HLCS: variants seen among roughly 807,000 people sequenced by gnomAD.
HLCS encodes holocarboxylase synthetase.
Under a neutral mutation model 75.0 loss-of-function variants are expected in HLCS, and 53 were observed. That is an observed-to-expected ratio of 0.71 (90% CI 0.57 to 0.89). HLCS has a LOEUF of 0.89. Ranked by LOEUF, HLCS falls within the 40% of genes least tolerant of loss-of-function variation. The pLI, the probability that HLCS is intolerant of heterozygous loss-of-function variation, is 0.00. For missense variants in HLCS, 966 were observed against 1,074.0 expected, an observed-to-expected ratio of 0.90 and a Z score of 1.41; for synonymous variants, 431 against 428.6, an observed-to-expected ratio of 1.01 and a Z score of -0.07.
At chr21:36,969,904 T>C (rs2068740359), upstream of HLCS, among the ~76,000 whole-genome samples, 1 of 152,026 alleles carries the variant, frequency 6.6e-6, no homozygotes, top group Non-Finnish European at 1.5e-5. Flanking sequence ...GACTTTGTCA[T>C]TTATAAGAAC....
chr21:36,805,658 G>A (rs886553290), intron 6 of HLCS, among the ~76,000 whole-genome samples: 5 of 152,124 alleles, frequency 3.3e-5, no homozygotes, highest in African/African-American at 9.7e-5. Context: ...TAAGAATGCC[G>A]CTGACTGCCA....
At position 36,757,036 on chromosome 21, in the gene HLCS, T is replaced by C. The variant is rs12482621; in HGVS notation, c.2237-281A>G. On this transcript the variant is annotated intron_variant, in intron 9 of 10. Transcript: ENST00000674895. Reference sequence around the variant, plus strand: ...CCACATTTGATTCAATTTAATTCAATAGAAGCTATTAAATATGGGACAAAA... The same window carrying C: ...CCACATTTGATTCAATTTAATTCAACAGAAGCTATTAAATATGGGACAAAA... The C allele has an allele frequency of 6.5e-4, 512 of 784,830 alleles. 1 individual carries two copies. Among genetic ancestry groups the C allele is most frequent in the Admixed American group, 2.2e-3 (35 of 16,078 alleles). 48.6% of individuals were successfully genotyped at this position (784,830 alleles called of 1,614,324 possible). A position where few individuals can be genotyped will look rare whatever the true frequency, so the allele number is the denominator to read the frequency against.
At chr21:36,771,387 G>A (rs1262550213) in intron 6 of HLCS, among the ~76,000 whole-genome samples, 5 of 152,158 alleles carry the variant, frequency 3.3e-5, no homozygotes, top group Non-Finnish European at 5.9e-5. Context: ...CCCAGTGATA[G>A]CCTTAAACAT....
chr21:36,845,640 C>T (rs2062771917), intron 6 of HLCS, among the ~76,000 whole-genome samples: 1 of 152,102 alleles, frequency 6.6e-6, no homozygotes, highest in African/African-American at 2.4e-5. Context: ...AAATTGGCCC[C>T]CAGTGGTGGA....
chr21:36,776,124 C>T (rs1470712317), intron 6 of HLCS, among the ~76,000 whole-genome samples: 1 of 152,134 alleles, frequency 6.6e-6, no homozygotes, highest in Non-Finnish European at 1.5e-5. Context: ...TCTTTTTAAC[C>T]TTTTACTTCG....
In HLCS at chr21:36,767,281, T is replaced by C. The variant is rs2090072892; in HGVS notation, c.1897A>G (p.Met633Val). ...PTTMRLLDGL[M>V]FQTPQEMGLI... The stretch of plus-strand genomic sequence containing the variant: ...CCCATTTCCTGCGGTGTCTGAAACA[T>C]CAGCCTGCCGAAGAGGGGGAAAGAC... Residue 633 changes from methionine to valine, a missense_variant, in exon 7 of 11, where the codon ATG becomes GTG. Transcript: ENST00000674895. 10 of 1,614,120 alleles carry C rather than the reference T, an allele frequency of 6.2e-6. No individual in the cohort carries two copies. The highest frequency in any genetic ancestry group is 1.3e-5 in the African/African-American group (1 of 75,022).
chr21:36,944,020 T>G (rs960284433), intron 2 of HLCS: 2 of 152,170 alleles, frequency 1.3e-5, no homozygotes, highest in Non-Finnish European at 2.9e-5. Context: ...TTTTGGCTGC[T>G]GCCAAGATCT....
At chr21:36,954,288 C>T (rs568484136) in intron 2 of HLCS, among the ~76,000 whole-genome samples, 1 of 149,584 alleles carries the variant, frequency 6.7e-6, no homozygotes, top group Non-Finnish European at 1.5e-5. Flanking sequence ...GGCGACAGAG[C>T]GAGATTCCAT....
rs578054882 is a variant in HLCS at position 36,828,844 on chromosome 21, T to C, written c.1893-61559A>G. Among the ~76,000 whole-genome samples, 283 of 152,340 alleles carry C rather than the reference T, an allele frequency of 1.9e-3. 1 individual carries two copies. The highest frequency in any genetic ancestry group is 2.3e-3 in the Non-Finnish European group (155 of 68,026). On this transcript the variant is annotated intron_variant, in intron 6 of 10. Coordinates refer to ENST00000674895, the MANE Select transcript of HLCS (RefSeq NM_001352514.2). ...GCAATAAAAATATTGCTGCAAAACCTAGTTTCTAGAAAATAATAAATAAAA... is the reference window on the plus strand; with the variant it reads ...GCAATAAAAATATTGCTGCAAAACCCAGTTTCTAGAAAATAATAAATAAAA...
At chr21:36,959,942 C>A (rs2068190435) in intron 2 of HLCS, among the ~76,000 whole-genome samples, 1 of 152,176 alleles carries the variant, frequency 6.6e-6, no homozygotes, top group Non-Finnish European at 1.5e-5. Flanking sequence ...AGAACTGTGG[C>A]CCTTTAAGAA....
chr21:36,956,685 G>A (rs1275762419), intron 2 of HLCS, among the ~76,000 whole-genome samples: 6 of 152,070 alleles, frequency 3.9e-5, no homozygotes, highest in African/African-American at 1.2e-4. Context: ...AGCCGAGATC[G>A]TGCCACTGCA....
Position 36,978,714 on chromosome 21 carries a change from C to T in HLCS, c.-393+11444G>A, listed in dbSNP as rs574302691. Among the ~76,000 whole-genome samples, 108 of 152,070 alleles carry T rather than the reference C, an allele frequency of 7.1e-4. 2 individuals carry two copies. Among genetic ancestry groups the T allele is most frequent in the African/African-American group, 2.5e-3 (104 of 41,480 alleles). ...TGGCAGGACTGAAGGGTCGGGAGAC[C>T]CTTAAAGAGACCCTGTAGCAGACGC... is the stretch of plus-strand genomic sequence containing the variant. On this transcript the variant is annotated intron_variant, in intron 1 of 11. Transcript: ENST00000336648.
upstream of HLCS, among the ~76,000 whole-genome samples, chr21:36,971,437 T>A (rs2068785936): frequency 6.6e-6 from 1 of 151,846 alleles, no homozygotes; most frequent in Non-Finnish European, 1.5e-5. Context: ...CAAAGAAAAA[T>A]AGGTCCAGGC....
At chr21:36,917,178 A>G (rs1367044625) in intron 5 of HLCS, among the ~76,000 whole-genome samples, 1 of 152,190 alleles carries the variant, frequency 6.6e-6, no homozygotes, top group Non-Finnish European at 1.5e-5. Flanking sequence ...CAGCTCCTAC[A>G]TGATCTGTAG....
chr21:36,751,678 C>T lies in HLCS; in HGVS notation c.*2568G>A, dbSNP rs1443468025. 3.3e-5 allele frequency: 5 copies of T among 152,384 alleles called. No individual in the cohort carries two copies. In the East Asian group the frequency reaches 9.6e-4, roughly 29 times the overall value. 9.4% of individuals were successfully genotyped at this position (152,384 alleles called of 1,614,324 possible). ...ACTTCCACCACTCCCTAGCAGAGTT[C>T]CCAGTGCCAGAGAGCACTGCTGGGG... is the stretch of plus-strand genomic sequence containing the variant. On this transcript the variant is annotated 3_prime_UTR_variant, in exon 11 of 11. Coordinates refer to ENST00000674895, the MANE Select transcript of HLCS (RefSeq NM_001352514.2).
rs142170740 is a variant in HLCS, at chr21:36,848,735, A to T, written c.1892+48125T>A. ...TCTTTTATCATTTTCCCTTGGATTT[A>T]TAAGCTTAGAAAGGCCTTTCCTATC... On this transcript the variant is annotated intron_variant, in intron 6 of 10. Coordinates refer to ENST00000674895, the MANE Select transcript of HLCS (RefSeq NM_001352514.2). 2.4e-3 allele frequency among the ~76,000 whole-genome samples: 362 copies of T among 152,292 alleles called. 4 individuals are homozygous for T. The highest frequency in any genetic ancestry group is 8.4e-3 in the African/African-American group (347 of 41,554).
chr21:36,757,610 C>T (rs2089654338), intron 9 of HLCS, among the ~76,000 whole-genome samples: 2 of 152,220 alleles, frequency 1.3e-5, no homozygotes, highest in Non-Finnish European at 2.9e-5. Flanking sequence ...ACATTCGCCA[C>T]AGGCAGAACA....
Position 36,936,969 on chromosome 21 carries a change from C to A in HLCS, c.917G>T (p.Gly306Val), listed in dbSNP as rs1166989421. The A allele has an allele frequency of 6.2e-7, 1 of 1,614,116 alleles. No individual in the cohort carries two copies. Among genetic ancestry groups the A allele is most frequent in the Non-Finnish European group, 8.5e-7 (1 of 1,180,034 alleles). The change falls in exon 4 of 11, where the codon GGA (glycine) becomes GTA (valine). Residue 306 changes from glycine (G) to valine (V), a missense_variant. By Grantham distance (109) the Gly-to-Val change is moderately radical. Transcript: ENST00000674895. The stretch of plus-strand genomic sequence containing the variant: ...ATAGAGGAGGATGTTGGGTGCCTTT[C>A]CCGTGAGGTTGACTCTCCTCCCTTC... ...EREGRRVNLT[G>V]KAPNILLYVG...
At chr21:36,814,458 T>C (rs1456885695) in intron 6 of HLCS, among the ~76,000 whole-genome samples, 2 of 152,234 alleles carry the variant, frequency 1.3e-5, no homozygotes, top group African/African-American at 4.8e-5. Flanking sequence ...ATACTTACAC[T>C]AAAAAGCTAT....
Sources: allele counts gnomAD v4.1 joint callset (sites outside exome capture counted in the v4.1 genomes callset), GRCh38; gene constraint gnomAD v4.1.1; transcripts MANE v1.5; gene names NCBI Gene and HGNC (gene_info 2026-07-23, HGNC 2026-07-21).